COL28A1: variants seen among roughly 807,000 people sequenced by gnomAD.
COL28A1 encodes the protein collagen type XXVIII alpha 1 chain, also known as collagen alpha-1(XXVIII) chain.
COL28A1 carries 161 observed loss-of-function variants against 150.2 expected under a neutral mutation model. The ratio of observed to expected loss-of-function variants is 1.07; its 90% CI spans 0.94 to 1.22. The LOEUF (loss-of-function observed/expected upper bound fraction) is 1.22. COL28A1 is among the 50% of genes most tolerant of loss of function. The pLI is 0.00. For synonymous variants in COL28A1, 552 were observed against 469.7 expected (o/e 1.18, Z -2.26); for missense variants, 1,617 against 1,388.3 (o/e 1.16, Z -2.62).
Position 7,373,173 on chromosome 7 carries a change from A to C in COL28A1, c.2733T>G (p.Asp911Glu). ...VITDGQTDSRDKEKLTEVVKN... is the reference protein window; with the variant it reads ...VITDGQTDSREKEKLTEVVKN... ...TCACCACCTCTGTCAGTTTCTCTTT[A>C]TCACGAGAATCTGTCTGTCCATCAG... The change falls in exon 32 of 35, where the codon GAT becomes GAG. Residue 911 changes from aspartate (D) to glutamate (E), a missense_variant. By Grantham distance (45) the Asp-to-Glu change is conservative (BLOSUM62 2). Coordinates refer to ENST00000399429, the MANE Select transcript of COL28A1 (RefSeq NM_001037763.3). The surrounding 1 kb of genome is among the most constrained non-coding windows in gnomAD (Gnocchi z 4.1). 6.2e-7 allele frequency: 1 copy of C among 1,614,174 alleles called. No homozygotes were observed. The highest frequency in any genetic ancestry group is 1.6e-4 in the Middle Eastern group (1 of 6,062).
chr7:7,474,759 A>T, intron 14 of COL28A1, 90 bp from the exon 15 acceptor site: 1 of 751,846 alleles, frequency 1.3e-6, no homozygotes, highest in South Asian at 1.6e-5. Context: ...TTGTGCTTCA[A>T]AATTATTTTT....
chr7:7,482,651 T>A (rs547097038), intron 13 of COL28A1, among the ~76,000 whole-genome samples: 2 of 152,310 alleles, frequency 1.3e-5, no homozygotes, highest in South Asian at 4.1e-4. Context: ...TAAGTATAAC[T>A]CTGTAATTAT....
rs1562458620 is a variant in COL28A1, at chr7:7,360,396, C to A, written c.3199G>T (p.Ala1067Ser). Reference protein sequence around the residue: ...RPLLSTPVDGAEDPRCLEALK... With the variant: ...RPLLSTPVDGSEDPRCLEALK... Reference sequence around the variant, plus strand: ...GGAGTTCTGGTTTACCTACCCTCTGCCCCATCCACAGGGGTGCTGAGCAGT... The same window carrying A: ...GGAGTTCTGGTTTACCTACCCTCTGACCCATCCACAGGGGTGCTGAGCAGT... Residue 1067 changes from alanine (A) to serine (S), a missense_variant, in exon 34 of 35, where the codon GCA becomes TCA. Transcript: ENST00000399429. The A allele has an allele frequency of 6.4e-7, 1 of 1,573,558 alleles. No homozygotes were observed. The highest frequency in any genetic ancestry group is 8.6e-7 in the Non-Finnish European group (1 of 1,166,634).
At chr7:7,377,142 C>G (rs1375641658) in intron 30 of COL28A1, among the ~76,000 whole-genome samples, 5 of 152,080 alleles carry the variant, frequency 3.3e-5, no homozygotes, top group Non-Finnish European at 7.4e-5. Flanking sequence ...TTTTTATTCA[C>G]TTATAAGAGC....
Position 7,419,961 on chromosome 7 carries a change from G to A in COL28A1, c.1999-8C>T, listed in dbSNP as rs772041361. The A allele has an allele frequency of 7.6e-6, 12 of 1,572,120 alleles. No individual in the cohort carries two copies. The highest frequency in any genetic ancestry group is 3.9e-5 in the Admixed American group (2 of 51,122). ...TCTGACCCCAGGCTCTCCCTGAAAA[G>A]ACACAACAAATAACAAGTTACTAAT... On this transcript the variant is annotated splice_polypyrimidine_tract_variant and splice_region_variant and intron_variant, in intron 25 of 34. Coordinates refer to ENST00000399429, the MANE Select transcript of COL28A1 (RefSeq NM_001037763.3).
chr7:7,444,218 ATG>A (rs1034386624), intron 19 of COL28A1, among the ~76,000 whole-genome samples, 198 bp downstream of exon 19: 26 of 152,140 alleles, frequency 1.7e-4, no homozygotes, highest in African/African-American at 6.3e-4. Flanking sequence ...AAGGCAGAGG[ATG>A]TGAGACACTA....
chr7:7,523,165 CT>C (rs1394272260), intron 4 of COL28A1, among the ~76,000 whole-genome samples: 309 of 78,540 alleles, frequency 3.9e-3, no homozygotes, highest in Admixed American at 6.6e-3. Context: ...TCTTTCTTTT[CT>C]TTTTTTTTTT....
intron 27 of COL28A1, among the ~76,000 whole-genome samples, chr7:7,390,397 T>C (rs1462493167): frequency 2.0e-5 from 3 of 152,220 alleles, no homozygotes; most frequent in African/African-American, 2.4e-5. Context: ...AGTTTGCCAG[T>C]ATTTTATTGA....
intron 20 of COL28A1, 36 bp downstream of exon 20, chr7:7,443,549 C>G (rs1193915142): frequency 6.2e-7 from 1 of 1,612,652 alleles, no homozygotes; most frequent in Non-Finnish European, 8.5e-7. Context: ...AGGACCAGAA[C>G]ACAGGCTGCT....
intron 11 of COL28A1, among the ~76,000 whole-genome samples, chr7:7,491,898 T>C (rs956001815): frequency 2.0e-5 from 3 of 152,356 alleles, no homozygotes; most frequent in South Asian, 2.1e-4. Context: ...TTAAAAAGCA[T>C]GCATGCAAAG....
rs191277816 is a variant in COL28A1, at chr7:7,522,493, T to C, written c.703-532A>G. Among the ~76,000 whole-genome samples, 15 of 152,276 alleles carry C rather than the reference T, an allele frequency of 9.9e-5. No homozygotes were observed. In the East Asian group the frequency reaches 2.1e-3, roughly 22 times the overall value. On this transcript the variant is annotated intron_variant, in intron 4 of 34. Transcript: ENST00000399429. ...CATTTTAACAACTCTGAAATCAGAA[T>C]GAGTCTTATAACAGCTGTTGACCAG...
the COL28A1 span, among the ~76,000 whole-genome samples, chr7:7,340,148 G>A: frequency 0.61 from 93,021 of 151,570 alleles, 32,618 homozygotes; most frequent in East Asian, 0.87. Context: ...ACACCACCAC[G>A]CCCAGCTAAT....
chr7:7,372,078 T>A (rs1781256517), intron 32 of COL28A1, among the ~76,000 whole-genome samples: 1 of 152,050 alleles, frequency 6.6e-6, no homozygotes, highest in South Asian at 2.1e-4. Flanking sequence ...TGATCCACTG[T>A]GCCTGGCATT....
intron 32 of COL28A1, among the ~76,000 whole-genome samples, 198 bp downstream of exon 32, chr7:7,372,800 T>C (rs1462015018): frequency 6.6e-6 from 1 of 152,210 alleles, no homozygotes; most frequent in Admixed American, 6.5e-5. Flanking sequence ...TAACCCTTAA[T>C]AAAGACAAGG....
chr7:7,412,504 A>G (rs987099207), intron 27 of COL28A1, among the ~76,000 whole-genome samples: 3 of 152,132 alleles, frequency 2.0e-5, no homozygotes, highest in Admixed American at 1.3e-4. Context: ...GTTCCTGGAA[A>G]ATACAAGAGG....
At chr7:7,399,760 G>C (rs1487901880) in intron 27 of COL28A1, among the ~76,000 whole-genome samples, 4 of 152,218 alleles carry the variant, frequency 2.6e-5, no homozygotes, top group Non-Finnish European at 5.9e-5. Flanking sequence ...TGAGTCTAGG[G>C]CCACTTTATT....
At chr7:7,503,911 C>T (rs1780667341) in intron 11 of COL28A1, among the ~76,000 whole-genome samples, 1 of 152,152 alleles carries the variant, frequency 6.6e-6, no homozygotes, top group African/African-American at 2.4e-5. Context: ...GAACTTTGTT[C>T]ACTTGGCAGT....
intron 26 of COL28A1, among the ~76,000 whole-genome samples, chr7:7,418,346 T>C (rs113648135): frequency 6.5e-4 from 99 of 152,304 alleles, no homozygotes; most frequent in African/African-American, 2.2e-3. Flanking sequence ...TTCACTGGGG[T>C]TGCACTTAAA....
intron 18 of COL28A1, 69 bp from the exon 19 acceptor site, chr7:7,444,558 T>A: frequency 6.8e-7 from 1 of 1,471,382 alleles, no homozygotes; most frequent in Non-Finnish European, 9.5e-7. Flanking sequence ...TGCAATTGGA[T>A]GTATCTTACA....
Sources: allele counts gnomAD v4.1 joint callset (sites outside exome capture counted in the v4.1 genomes callset), GRCh38; gene constraint gnomAD v4.1.1; non-coding constraint Gnocchi (gnomAD v3.1); transcripts MANE v1.5; gene names NCBI Gene and HGNC (gene_info 2026-07-23, HGNC 2026-07-21).